The following PRR5 variants were observed in gnomAD, a reference collection of about 807,000 sequenced individuals.
PRR5 encodes proline rich 5.
Under a neutral mutation model 30.6 loss-of-function variants are expected in PRR5, and 25 were observed. The observed-to-expected ratio is 0.82, with a 90% CI of 0.60 to 1.14. The LOEUF is 1.14. Among genes scored for constraint, PRR5 ranks in the 50% most tolerant of loss-of-function variants. The pLI is 0.00. For missense variants in PRR5, 600 were observed against 547.1 expected, an observed-to-expected ratio of 1.10 and a Z score of -0.96; for synonymous variants, 286 against 247.1, an observed-to-expected ratio of 1.16 and a Z score of -1.48.
Position 44,724,634 on chromosome 22 carries a change from G to A in PRR5, c.216-610G>A, listed in dbSNP as rs1480218010. ...CTGGAGGTATGTAGGGAGGGAAGGA[G>A]GAATTGTCAGTGTTGAGTGCCAAGG... On this transcript the variant is annotated intron_variant, in intron 2 of 7. Transcript: ENST00000336985. Among the ~76,000 whole-genome samples the A allele has an allele frequency of 2.0e-5, 3 of 152,130 alleles. No individual in the cohort carries two copies. In the East Asian group the frequency reaches 5.8e-4, roughly 29 times the overall value.
intron 2 of PRR5, among the ~76,000 whole-genome samples, chr22:44,723,235 T>C (rs1930208328): frequency 6.6e-6 from 1 of 151,972 alleles, no homozygotes; most frequent in Non-Finnish European, 1.5e-5. Context: ...CTGCCCACCT[T>C]GGCCTCCCAA....
At chr22:44,728,424 T>C (rs541040662) in intron 4 of PRR5, among the ~76,000 whole-genome samples, 9 of 152,236 alleles carry the variant, frequency 5.9e-5, no homozygotes, top group Non-Finnish European at 1.0e-4. Flanking sequence ...AACCTGGCCC[T>C]GCCCTTCAGG....
At chr22:44,679,041 G>C (rs1924024899) in intron 1 of PRR5, among the ~76,000 whole-genome samples, 1 of 152,150 alleles carries the variant, frequency 6.6e-6, no homozygotes, top group African/African-American at 2.4e-5. Flanking sequence ...GCCTTGGGGG[G>C]TCAGGAGCAC....
chr22:44,679,126 A>G (rs1924033269), intron 1 of PRR5, among the ~76,000 whole-genome samples: 1 of 152,056 alleles, frequency 6.6e-6, no homozygotes, highest in African/African-American at 2.4e-5. Context: ...AGGCCTCAGG[A>G]GATACGTGCG....
At chr22:44,675,003 C>G (rs1923646412), upstream of PRR5, among the ~76,000 whole-genome samples, 1 of 146,290 alleles carries the variant, frequency 6.8e-6, no homozygotes, top group Admixed American at 6.9e-5. Flanking sequence ...AATCCCAGCA[C>G]TTTGGGAGGC....
intron 1 of PRR5, among the ~76,000 whole-genome samples, chr22:44,680,112 C>T (rs1241321708): frequency 2.0e-5 from 3 of 152,150 alleles, no homozygotes; most frequent in Non-Finnish European, 2.9e-5. Context: ...ACTCAACAAA[C>T]GTTTCTCAGA....
intron 1 of PRR5, among the ~76,000 whole-genome samples, chr22:44,709,863 CAGAG>C (rs1364002552): frequency 3.3e-5 from 5 of 152,118 alleles, no homozygotes; most frequent in Admixed American, 6.5e-5. Flanking sequence ...AAAAAACAAA[CAGAG>C]AAAAAGAACT....
intron 1 of PRR5, among the ~76,000 whole-genome samples, chr22:44,708,507 C>T (rs1473331757): frequency 6.6e-6 from 1 of 152,138 alleles, no homozygotes; most frequent in Non-Finnish European, 1.5e-5. Flanking sequence ...CTGCCCCAAC[C>T]CTGCACCCGT....
At chr22:44,726,710 C>T (rs1031877703) in intron 4 of PRR5, 76 bp downstream of exon 4, 1 of 1,601,962 alleles carries the variant, frequency 6.2e-7, no homozygotes, top group African/African-American at 1.3e-5. Flanking sequence ...GGGCCTCGTG[C>T]TGGGGGCCTC....
chr22:44,687,844 G>A (rs1161177522), intron 1 of PRR5, among the ~76,000 whole-genome samples: 2 of 152,014 alleles, frequency 1.3e-5, no homozygotes, highest in Admixed American at 6.6e-5. Context: ...GCGCGATCTC[G>A]GCTCACTGCA....
intron 1 of PRR5, among the ~76,000 whole-genome samples, chr22:44,689,472 A>AC (rs750348766): frequency 6.6e-6 from 1 of 152,218 alleles, no homozygotes; most frequent in Non-Finnish European, 1.5e-5. Flanking sequence ...TAGCCAGATT[A>AC]CCCGAAGAGG....
intron 1 of PRR5, among the ~76,000 whole-genome samples, chr22:44,709,498 C>CT (rs1484835359): frequency 6.6e-6 from 1 of 152,084 alleles, no homozygotes; most frequent in Non-Finnish European, 1.5e-5. Context: ...TTTCTCCCCC[C>CT]GCCCGAGCCT....
At chr22:44,708,083 C>T (rs1456938748) in intron 1 of PRR5, among the ~76,000 whole-genome samples, 1 of 152,100 alleles carries the variant, frequency 6.6e-6, no homozygotes, top group Non-Finnish European at 1.5e-5. Context: ...CCTGTAATCC[C>T]AGCTACTTTG....
chr22:44,674,498 G>A (rs983322703), upstream of PRR5, among the ~76,000 whole-genome samples: 14 of 152,000 alleles, frequency 9.2e-5, no homozygotes, highest in Admixed American at 2.0e-4. Context: ...TGAGGCGGGC[G>A]GATCACGAGG....
rs1449311442 is a variant in PRR5, at chr22:44,702,447, GGGCGCGGCGCA to G, written c.-23_-13del. ...GCAGGGCGCGGCGTGGGGCGCGCGT[GGGCGCGGCGCA>G]GGCGGCCCGGGTCACCATGAGGACT... On this transcript the variant is annotated 5_prime_UTR_variant, in exon 1 of 8. Transcript: ENST00000336985. 2.7e-5 allele frequency: 35 copies of G among 1,309,052 alleles called. No individual in the cohort carries two copies. Among genetic ancestry groups the G allele is most frequent in the East Asian group, 3.3e-5 (1 of 30,760 alleles). The allele number at this position is 1,309,052 out of a possible 1,614,324, so 81.1% of individuals were successfully genotyped here.
chr22:44,691,068 CGG>C lies in PRR5; in HGVS notation c.-10-11421_-10-11420del, dbSNP rs932911926. 4.6e-5 allele frequency among the ~76,000 whole-genome samples: 7 copies of C among 151,388 alleles called. No individual in the cohort carries two copies. In the South Asian group the frequency reaches 8.4e-4, roughly 18 times the overall value. ...TGGCAGCCTCGGGAAGGTGGATTCC[CGG>C]GGCGGGGAGGCAGGAGAGTCCTGAG... is the stretch of plus-strand genomic sequence containing the variant. On this transcript the variant is annotated intron_variant, in intron 1 of 8. Transcript: ENST00000006251. This position sits in a 1 kb window ranked among gnomAD's most constrained non-coding sequence, Gnocchi z 4.4.
chr22:44,679,817 T>G, intron 1 of PRR5: 1 of 1,598,882 alleles, frequency 6.3e-7, no homozygotes, highest in South Asian at 1.1e-5. Context: ...GTTTGGAACT[T>G]TCACAGAGGG....
rs779182167 is a variant in PRR5, at chr22:44,736,907, C to A, written c.827C>A (p.Thr276Asn). 1.2e-6 allele frequency: 2 copies of A among 1,608,396 alleles called. No individual in the cohort carries two copies. Among genetic ancestry groups the A allele is most frequent in the Admixed American group, 1.7e-5 (1 of 59,938 alleles). Residue 276 changes from threonine (T) to asparagine (N), a missense_variant, in exon 8 of 8, where the codon ACC (threonine) becomes AAC (asparagine). Thr to Asn is a moderately conservative substitution (Grantham distance 65). Transcript: ENST00000336985. ...GCGGAGGGCGCGGCGGCCGGCGGTA[C>A]CAGCATCCGCAGGCACTCTGTGTCG... is the stretch of plus-strand genomic sequence containing the variant. Reference protein sequence around the residue: ...HEAEGAAAGGTSIRRHSVSEM... With the variant: ...HEAEGAAAGGNSIRRHSVSEM...
At chr22:44,710,429 A>G (rs560543101) in intron 1 of PRR5, among the ~76,000 whole-genome samples, 10 of 152,192 alleles carry the variant, frequency 6.6e-5, no homozygotes, top group African/African-American at 2.4e-4. Flanking sequence ...GGCGGTCCAC[A>G]TCTGGACAAG....
Sources: gnomAD v4.1 joint callset for allele counts (sites outside exome capture counted in the v4.1 genomes callset) on GRCh38, gnomAD v4.1.1 for gene constraint, Gnocchi (gnomAD v3.1) non-coding constraint, MANE v1.5 for transcripts, NCBI Gene and HGNC (gene_info 2026-07-23, HGNC 2026-07-21) for gene names.